The following FBXO43 variants were observed in gnomAD, a reference collection of about 807,000 sequenced individuals.
FBXO43 encodes F-box only protein 43.
FBXO43 carries 22 observed loss-of-function variants against 56.7 expected under a neutral mutation model. That is an observed-to-expected ratio of 0.39 (90% CI 0.28 to 0.55). The LOEUF (loss-of-function observed/expected upper bound fraction) is 0.55, where lower values mean the gene tolerates loss of function less well. Ranked by LOEUF, FBXO43 falls within the 20% of genes least tolerant of loss-of-function variation. The pLI, the probability that FBXO43 is intolerant of heterozygous loss-of-function variation, is 0.66. For missense variants in FBXO43, 733 were observed against 814.9 expected, an observed-to-expected ratio of 0.90 and a Z score of 1.22; for synonymous variants, 306 against 294.5, an observed-to-expected ratio of 1.04 and a Z score of -0.40.
chr8:100,146,860 T>G (rs776983303), upstream of FBXO43, among the ~76,000 whole-genome samples: 1 of 152,168 alleles, frequency 6.6e-6, no homozygotes, highest in Non-Finnish European at 1.5e-5. Flanking sequence ...TCACTAAAAT[T>G]ATTATGAGAC....
chr8:100,134,396 C>G (rs759497314), intron 3 of FBXO43, 32 bp from the exon 4 acceptor site: 1 of 1,578,342 alleles, frequency 6.3e-7, no homozygotes, highest in East Asian at 2.2e-5. Flanking sequence ...ATCAATACTG[C>G]AATACCAAAA....
At position 100,140,755 on chromosome 8, in the gene FBXO43, T is replaced by G; in HGVS notation, c.1499A>C (p.Glu500Ala). Residue 500 changes from glutamate to alanine, a missense_variant, in exon 2 of 5, where the codon GAA (glutamate) becomes GCA (alanine). Physicochemically the swap from Glu to Ala is moderately radical, Grantham distance 107 (BLOSUM62 -1). Transcript: ENST00000428847. ...ATGCTTTAAATTTCTATATTTTAAT[T>G]CTGTTAAGATGTCCAGTTTTTCTAT... ...MGIEKLDILT[E>A]LKYRNLKHIL... 1 of 1,613,720 alleles carries G rather than the reference T, an allele frequency of 6.2e-7. No homozygotes were observed. Among genetic ancestry groups the G allele is most frequent in the Non-Finnish European group, 8.5e-7 (1 of 1,179,736 alleles).
In FBXO43 at chr8:100,134,237, G is replaced by T; in HGVS notation, c.1802C>A (p.Pro601His). Reference protein sequence around the residue: ...SQREQGSTLSPWGEVLTPLAS... With the variant: ...SQREQGSTLSHWGEVLTPLAS... ...TAGAGGTGTCAAAACTTCTCCCCAG[G>T]GAGATAATGTTGACCCTTGCTCTCT... The change falls in exon 4 of 5, where the codon CCC becomes CAC. Residue 601 changes from proline to histidine, a missense_variant. Physicochemically the swap from Pro to His is moderately conservative, Grantham distance 77. Transcript: ENST00000428847. 1 of 1,614,082 alleles carries T rather than the reference G, an allele frequency of 6.2e-7. No homozygotes were observed. Among genetic ancestry groups the T allele is most frequent in the Non-Finnish European group, 8.5e-7 (1 of 1,180,008 alleles).
Position 100,141,966 on chromosome 8 carries a change from C to T in FBXO43, c.288G>A (p.Lys96=). Residue 96 remains lysine, a synonymous_variant, in exon 2 of 5, where the codon AAG becomes AAA. Transcript: ENST00000428847. ...FDNIDKEYLG[K]KEKGPTLLYE... ...AGAGTAATGTTGGGCCTTTTTCTTTCTTTCCAAGATATTCTTTATCTATAT... is the reference window on the plus strand; with the variant it reads ...AGAGTAATGTTGGGCCTTTTTCTTTTTTTCCAAGATATTCTTTATCTATAT... The T allele has an allele frequency of 6.2e-7, 1 of 1,605,036 alleles. No homozygotes were observed. The highest frequency in any genetic ancestry group is 1.1e-5 in the South Asian group (1 of 88,996).
intron 1 of FBXO43, among the ~76,000 whole-genome samples, chr8:100,143,318 A>G (rs1814715364): frequency 6.6e-6 from 1 of 152,242 alleles, no homozygotes; most frequent in Non-Finnish European, 1.5e-5. Flanking sequence ...ATTGGCTGTA[A>G]TGCGACAGTA....
At chr8:100,149,607 G>A (rs911863872), upstream of FBXO43, among the ~76,000 whole-genome samples, 2 of 152,182 alleles carry the variant, frequency 1.3e-5, no homozygotes, top group African/African-American at 4.8e-5. Flanking sequence ...TTCCTGGAAA[G>A]ATCAACTTAA....
Position 100,138,924 on chromosome 8 carries a change from AAC to A in FBXO43, c.1572-1259_1572-1258del, listed in dbSNP as rs1234739833. On this transcript the variant is annotated intron_variant, in intron 2 of 4. Transcript: ENST00000428847. ...TCTCAGCCATCTCCTTAATTTTTTA[AAC>A]AGTTTATCGTTTGAACATTTTTAAA... Among the ~76,000 whole-genome samples the A allele has an allele frequency of 8.5e-5, 13 of 152,302 alleles. No homozygotes were observed. In the East Asian group the frequency reaches 2.1e-3, roughly 25 times the overall value.
chr8:100,145,799 C>G lies in FBXO43; in HGVS notation c.-664G>C, dbSNP rs1359792079. The stretch of plus-strand genomic sequence containing the variant: ...ACGCCAGCTTCGCGTGGGGCCGCTG[C>G]CTTTACCTCCTTAGGTTTGAACGGC... On this transcript the variant is annotated 5_prime_UTR_variant, in exon 1 of 5. Coordinates refer to ENST00000428847, the MANE Select transcript of FBXO43 (RefSeq NM_001029860.4). The G allele has an allele frequency of 1.3e-5, 2 of 152,414 alleles. No homozygotes were observed. The highest frequency in any genetic ancestry group is 2.9e-5 in the Non-Finnish European group (2 of 68,194). 9.4% of individuals were successfully genotyped at this position (152,414 alleles called of 1,614,324 possible).
Position 100,140,925 on chromosome 8 carries a change from C to T in FBXO43, c.1329G>A (p.Leu443=). The T allele has an allele frequency of 6.2e-7, 1 of 1,614,184 alleles. No homozygotes were observed. The highest frequency in any genetic ancestry group is 8.5e-7 in the Non-Finnish European group (1 of 1,180,034). Residue 443 remains leucine, a synonymous_variant, in exon 2 of 5, where the codon TTG becomes TTA. Coordinates refer to ENST00000428847, the MANE Select transcript of FBXO43 (RefSeq NM_001029860.4). ...SLKNLSKTPA[L]QLVHELFMKS... ...TCATGAACAGCTCATGTACCAATTG[C>T]AAGGCTGGGGTCTTTGATAAATTCT... is the stretch of plus-strand genomic sequence containing the variant.
chr8:100,142,109 T>C lies in FBXO43; in HGVS notation c.145A>G (p.Asn49Asp). Residue 49 changes from asparagine to aspartate, a missense_variant, in exon 2 of 5, where the codon AAT becomes GAT. Coordinates refer to ENST00000428847, the MANE Select transcript of FBXO43 (RefSeq NM_001029860.4). ...HSGQAGTEAG[N>D]GADSPPIVNS... is the part of the protein sequence containing the mutation. The stretch of plus-strand genomic sequence containing the variant: ...ACAATTGGAGGAGAGTCCGCCCCAT[T>C]TCCTGCTTCAGTGCCAGCTTGACCT... 1 of 1,609,128 alleles carries C rather than the reference T, an allele frequency of 6.2e-7. No individual in the cohort carries two copies. Among genetic ancestry groups the C allele is most frequent in the Non-Finnish European group, 8.5e-7 (1 of 1,178,586 alleles).
In FBXO43 at chr8:100,141,411, C is replaced by G. The variant is rs1237793346; in HGVS notation, c.843G>C (p.Glu281Asp). 6.2e-7 allele frequency: 1 copy of G among 1,613,532 alleles called. No individual in the cohort carries two copies. Among genetic ancestry groups the G allele is most frequent in the Non-Finnish European group, 8.5e-7 (1 of 1,180,008 alleles). ...TTCCACTAACAGAGGAGCCCAGGAGCTCTGGACATGCATTCTCATCATTAA... is the reference window on the plus strand; with the variant it reads ...TTCCACTAACAGAGGAGCCCAGGAGGTCTGGACATGCATTCTCATCATTAA... ...LCINDENACP[E>D]LLGSSVSGTT... The change falls in exon 2 of 5, where the codon GAG becomes GAC. Residue 281 changes from glutamate to aspartate, a missense_variant. Transcript: ENST00000428847.
At position 100,142,084 on chromosome 8, in the gene FBXO43, AC is replaced by A. The variant is rs1263983890; in HGVS notation, c.169del (p.Val57SerfsTer25). Reference sequence around the variant, plus strand: ...TCTGAAGGTGGAGTACTTGGAGTTGACAATTGGAGGAGAGTCCGCCCCATTT... The same window carrying A: ...TCTGAAGGTGGAGTACTTGGAGTTGAAATTGGAGGAGAGTCCGCCCCATTT... ...AGNGADSPPI[V>X]NSKYSTFRDF... On this transcript the variant is annotated frameshift_variant, in exon 2 of 5. Transcript: ENST00000428847. LOFTEE classifies it high-confidence loss of function. 6.2e-7 allele frequency: 1 copy of A among 1,613,652 alleles called. No individual in the cohort carries two copies. Among genetic ancestry groups the A allele is most frequent in the Non-Finnish European group, 8.5e-7 (1 of 1,179,836 alleles).
At chr8:100,148,601 C>T (rs573638435), upstream of FBXO43, among the ~76,000 whole-genome samples, 167 of 152,248 alleles carry the variant, frequency 1.1e-3, 2 homozygotes, top group Non-Finnish European at 1.7e-3. Flanking sequence ...TTAGTAGAGA[C>T]GGGGTTTCAT....
rs1814796039 is a variant in FBXO43 at position 100,145,291 on chromosome 8, C to T, written c.-156G>A. The T allele has an allele frequency of 4.2e-6, 2 of 475,634 alleles. No homozygotes were observed. The highest frequency in any genetic ancestry group is 7.3e-6 in the Non-Finnish European group (2 of 274,638). The allele number at this position is 475,634 out of a possible 1,614,324, so 29.5% of individuals were successfully genotyped here. A position where few individuals can be genotyped will look rare whatever the true frequency, so the allele number is the denominator to read the frequency against. On this transcript the variant is annotated 5_prime_UTR_variant, in exon 1 of 5. Transcript: ENST00000428847. The stretch of plus-strand genomic sequence containing the variant: ...AGAAGGTCTAAATCATTTTGAATTT[C>T]CTTCAGCCCTCCAGAAAATAGTTAT...
chr8:100,144,265 A>G (rs558214918), intron 1 of FBXO43, among the ~76,000 whole-genome samples: 13 of 152,082 alleles, frequency 8.5e-5, no homozygotes, highest in African/African-American at 2.6e-4. Flanking sequence ...TAATCCCAGC[A>G]CTTTAGGAGG....
chr8:100,149,206 C>T (rs1396369021), upstream of FBXO43, among the ~76,000 whole-genome samples: 1 of 152,234 alleles, frequency 6.6e-6, no homozygotes, highest in Non-Finnish European at 1.5e-5. Context: ...GATCTTCTTG[C>T]TATGACTTGT....
intron 1 of FBXO43, 102 bp downstream of exon 1, chr8:100,144,949 A>T: frequency 7.4e-7 from 1 of 1,356,160 alleles, no homozygotes; most frequent in Non-Finnish European, 9.7e-7. Flanking sequence ...AAAAGAAAGA[A>T]AAAAGAAAAA....
At chr8:100,135,450 T>A (rs1009781571) in intron 3 of FBXO43, among the ~76,000 whole-genome samples, 1 of 152,186 alleles carries the variant, frequency 6.6e-6, no homozygotes, top group East Asian at 1.9e-4. Flanking sequence ...GTATATTTTG[T>A]TAGGATAGTC....
rs780005879 is a variant in FBXO43, at chr8:100,140,929, G to C, written c.1325C>G (p.Ala442Gly). The C allele has an allele frequency of 6.2e-7, 1 of 1,614,148 alleles. No homozygotes were observed. Among genetic ancestry groups the C allele is most frequent in the Non-Finnish European group, 8.5e-7 (1 of 1,180,036 alleles). The change falls in exon 2 of 5, where the codon GCC becomes GGC. Residue 442 changes from alanine to glycine, a missense_variant. Physicochemically the swap from Ala to Gly is moderately conservative, Grantham distance 60. Transcript: ENST00000428847. ...FSLKNLSKTP[A>G]LQLVHELFMK... ...GAACAGCTCATGTACCAATTGCAAG[G>C]CTGGGGTCTTTGATAAATTCTTTAA...
Sources: allele counts gnomAD v4.1 joint callset (sites outside exome capture counted in the v4.1 genomes callset), GRCh38; gene constraint gnomAD v4.1.1; transcripts MANE v1.5; gene names NCBI Gene and HGNC (gene_info 2026-07-23, HGNC 2026-07-21).